ASPH: variants seen among roughly 807,000 people sequenced by gnomAD.
ASPH encodes the protein aspartate beta-hydroxylase.
In ASPH, 100 loss-of-function variants were observed where a neutral mutation model predicts 118.4. The observed-to-expected ratio is 0.84, with a 90% CI of 0.72 to 1.00. The LOEUF (loss-of-function observed/expected upper bound fraction) is 1.00. ASPH is among the 50% of genes least tolerant of loss of function. The pLI is 0.00. For missense variants in ASPH, 920 were observed against 919.5 expected (o/e 1.00, Z -0.01); for synonymous variants, 315 against 325.6 (o/e 0.97, Z 0.35).
At chr8:61,519,847 G>A (rs1812314580) in intron 22 of ASPH, among the ~76,000 whole-genome samples, 1 of 152,206 alleles carries the variant, frequency 6.6e-6, no homozygotes, top group African/African-American at 2.4e-5. Context: ...TTTTAGCTCA[G>A]TGTGATCTAT....
At chr8:61,538,700 T>C (rs9693981) in intron 21 of ASPH, among the ~76,000 whole-genome samples, 11,803 of 152,244 alleles carry the variant, frequency 0.078, 1,276 homozygotes, top group African/African-American at 0.24. Context: ...TTCTAATCAA[T>C]CATTCCAATG....
In ASPH at chr8:61,669,408, C is replaced by T. The variant is rs558918065; in HGVS notation, c.322+11560G>A. ...ACCACTGACAACATAAAAATGGAAACGTGACCATGGTTATATTTGTCCACT... is the reference window on the plus strand; with the variant it reads ...ACCACTGACAACATAAAAATGGAAATGTGACCATGGTTATATTTGTCCACT... On this transcript the variant is annotated intron_variant, in intron 3 of 24. Coordinates refer to ENST00000379454, the MANE Select transcript of ASPH (RefSeq NM_004318.4). Among the ~76,000 whole-genome samples the T allele has an allele frequency of 9.7e-4, 147 of 152,244 alleles. 2 individuals carry two copies. Among genetic ancestry groups the T allele is most frequent in the Admixed American group, 9.4e-3 (143 of 15,278 alleles).
chr8:61,614,132 TA>T (rs948597490), intron 14 of ASPH, among the ~76,000 whole-genome samples: 7 of 151,078 alleles, frequency 4.6e-5, no homozygotes, highest in Non-Finnish European at 8.9e-5. Flanking sequence ...ATTATGACTT[TA>T]AAAAAAAATA....
At chr8:61,653,058 TG>T (rs1467632990) in intron 4 of ASPH, among the ~76,000 whole-genome samples, 1 of 152,198 alleles carries the variant, frequency 6.6e-6, no homozygotes, top group Non-Finnish European at 1.5e-5. Context: ...TCATAGGCTT[TG>T]GGGTAACTAC....
intron 21 of ASPH, among the ~76,000 whole-genome samples, chr8:61,529,817 A>G (rs1331839478): frequency 6.6e-6 from 1 of 152,222 alleles, no homozygotes; most frequent in African/African-American, 2.4e-5. Flanking sequence ...GGTACCTTCT[A>G]GCTGCCTCGA....
intron 18 of ASPH, among the ~76,000 whole-genome samples, chr8:61,561,068 A>AGGG (rs1829650301): frequency 9.8e-6 from 1 of 102,424 alleles, no homozygotes; most frequent in African/African-American, 4.5e-5. Flanking sequence ...GGAACGAAGG[A>AGGG]AGGGAGAGAG....
In ASPH at chr8:61,714,401, G is replaced by A. The variant is rs1265194503; in HGVS notation, c.-30C>T. ...CGGTCCGCGGGGGCTGGTGAGGGCT[G>A]GCGGACCTCCTTCAGTGCGCGGGGG... is the stretch of plus-strand genomic sequence containing the variant. On this transcript the variant is annotated 5_prime_UTR_variant, in exon 1 of 25. Transcript: ENST00000379454. 64 of 1,468,746 alleles carry A rather than the reference G, an allele frequency of 4.4e-5. No homozygotes were observed. The highest frequency in any genetic ancestry group is 5.8e-5 in the Non-Finnish European group (64 of 1,107,308). 91.0% of individuals were successfully genotyped at this position (1,468,746 alleles called of 1,614,324 possible). A position where few individuals can be genotyped will look rare whatever the true frequency, so the allele number is the denominator to read the frequency against.
intron 1 of ASPH, among the ~76,000 whole-genome samples, chr8:61,701,452 T>C (rs1231070146): frequency 6.6e-6 from 1 of 152,206 alleles, no homozygotes; most frequent in Non-Finnish European, 1.5e-5. Context: ...ACACAAATAG[T>C]GTACTACTTC....
intron 14 of ASPH, among the ~76,000 whole-genome samples, chr8:61,609,203 T>C (rs1423332444): frequency 6.6e-6 from 1 of 152,242 alleles, no homozygotes; most frequent in Non-Finnish European, 1.5e-5. Flanking sequence ...CGGGGCTTTC[T>C]GTGCTATTCC....
At chr8:61,561,062 C>G (rs900831410) in intron 18 of ASPH, among the ~76,000 whole-genome samples, 4 of 115,932 alleles carry the variant, frequency 3.5e-5, no homozygotes, top group South Asian at 3.1e-4. Context: ...AAGGAAGGAA[C>G]GAAGGAAGGG....
chr8:61,602,366 T>C (rs1844254391), intron 14 of ASPH, among the ~76,000 whole-genome samples: 1 of 151,424 alleles, frequency 6.6e-6, no homozygotes, highest in African/African-American at 2.5e-5. Context: ...ATCATTTCAT[T>C]AGACAATAGA....
chr8:61,612,517 G>A (rs1847759443), intron 14 of ASPH, among the ~76,000 whole-genome samples: 1 of 152,006 alleles, frequency 6.6e-6, no homozygotes, highest in Non-Finnish European at 1.5e-5. Context: ...GGGATTACAG[G>A]CACACACCAC....
chr8:61,563,628 C>T (rs1278598877), intron 17 of ASPH, among the ~76,000 whole-genome samples: 1 of 152,208 alleles, frequency 6.6e-6, no homozygotes. Context: ...GTATATTCCA[C>T]TGCCAAACCA....
At chr8:61,626,562 T>G (rs1434359756) in intron 13 of ASPH, among the ~76,000 whole-genome samples, 1 of 152,034 alleles carries the variant, frequency 6.6e-6, no homozygotes, top group African/African-American at 2.4e-5. Flanking sequence ...AGCATTAAAT[T>G]TCTTTCTTCA....
chr8:61,605,744 A>T (rs925567850), intron 14 of ASPH, among the ~76,000 whole-genome samples: 1 of 152,212 alleles, frequency 6.6e-6, no homozygotes, highest in African/African-American at 2.4e-5. Flanking sequence ...TAATCTAAAA[A>T]CACACCAGAT....
At chr8:61,518,932 A>C (rs1351329493) in intron 22 of ASPH, among the ~76,000 whole-genome samples, 1 of 152,240 alleles carries the variant, frequency 6.6e-6, no homozygotes, top group Non-Finnish European at 1.5e-5. Flanking sequence ...GAACCATAAG[A>C]GACCACTTTT....
chr8:61,581,917 C>A (rs1357537217), intron 15 of ASPH, among the ~76,000 whole-genome samples: 5 of 152,100 alleles, frequency 3.3e-5, no homozygotes, highest in African/African-American at 9.7e-5. Flanking sequence ...ATAATCTGAT[C>A]TATACTTTTC....
intron 14 of ASPH, among the ~76,000 whole-genome samples, chr8:61,594,865 T>C (rs868034605): frequency 6.2e-4 from 95 of 152,346 alleles, no homozygotes; most frequent in African/African-American, 1.9e-3. Context: ...GACTATTGTA[T>C]ATATTATATG....
At chr8:61,662,983 C>G (rs912495298) in intron 3 of ASPH, 1 of 985,256 alleles carries the variant, frequency 1.0e-6, no homozygotes, top group African/African-American at 1.7e-5. Context: ...TACCAGAATG[C>G]TCTCAACAAA....
Sources: allele counts gnomAD v4.1 joint callset (sites outside exome capture counted in the v4.1 genomes callset), GRCh38; gene constraint gnomAD v4.1.1; transcripts MANE v1.5; gene names NCBI Gene and HGNC (gene_info 2026-07-23, HGNC 2026-07-21).